The following IKBKG variants were observed in gnomAD, a reference collection of about 807,000 sequenced individuals.
IKBKG encodes the protein NF-kappa-B essential modulator.
IKBKG carries 2 observed loss-of-function variants against 13.7 expected under a neutral mutation model. The observed-to-expected ratio is 0.15, with a 90% CI of 0.06 to 0.46. The LOEUF is 0.46. Ranked by LOEUF, IKBKG falls within the 20% of genes least tolerant of loss-of-function variation. The probability of loss-of-function intolerance (pLI) is 0.98; values close to 1 mark genes in which losing one functional copy is unlikely to be tolerated. For synonymous variants in IKBKG, 22 were observed against 64.4 expected (o/e 0.34, Z 3.15); for missense variants, 53 against 150.3 (o/e 0.35, Z 3.39).
upstream of IKBKG, chrX:154,545,886 G>T: frequency 4.6e-6 from 3 of 645,837 alleles, no homozygotes; most frequent in Non-Finnish European, 7.4e-6. Flanking sequence ...ACACCAGGTA[G>T]AGCCGGGATG....
chrX:154,558,875 TAGG>T (rs1371189103), intron 4 of IKBKG, among the ~76,000 whole-genome samples: 2 of 94,580 alleles, frequency 2.1e-5, no homozygotes, highest in Non-Finnish European at 4.2e-5. Context: ...ATTATTTCCT[TAGG>T]AGGCATTCTG....
chrX:154,546,840 C>T, upstream of IKBKG: 1 of 1,141,126 alleles, frequency 8.8e-7, no homozygotes, highest in Non-Finnish European at 1.2e-6. Context: ...AGTGTACGAC[C>T]GTTTCCGGGG....
upstream of IKBKG, chrX:154,546,858 C>T (rs1557233582): frequency 2.7e-6 from 3 of 1,114,449 alleles, no homozygotes; most frequent in Admixed American, 2.9e-5. Context: ...GGGGCTGAGC[C>T]CCGCCGGCCC....
upstream of IKBKG, chrX:154,546,283 C>T (rs1205121853): frequency 1.0e-6 from 1 of 977,749 alleles, no homozygotes; most frequent in East Asian, 3.1e-5. Context: ...GCCCAAATCA[C>T]TCCTTGTGAA....
chrX:154,550,908 G>C (rs1163942416), intron 1 of IKBKG, among the ~76,000 whole-genome samples: 1 of 109,912 alleles, frequency 9.1e-6, no homozygotes, highest in African/African-American at 3.3e-5. Flanking sequence ...TGCCTCCCGG[G>C]TTCACGCCAT....
At chrX:154,555,988 G>T (rs1247847152) in intron 2 of IKBKG, among the ~76,000 whole-genome samples, 177 bp from the exon 3 acceptor site, 1 of 113,874 alleles carries the variant, frequency 8.8e-6, no homozygotes, top group Non-Finnish European at 1.9e-5. Context: ...AAAAGGGAGT[G>T]TTGAGACGCC....
At chrX:154,552,811 C>A (rs782111993) in intron 2 of IKBKG, among the ~76,000 whole-genome samples, 1 of 112,461 alleles carries the variant, frequency 8.9e-6, no homozygotes, top group African/African-American at 3.2e-5. Context: ...CATCCGGGCG[C>A]CCCTCACCCT....
chrX:154,547,221 G>A, upstream of IKBKG: 1 of 542,313 alleles, frequency 1.8e-6, no homozygotes, highest in Non-Finnish European at 2.2e-6. Context: ...CACTTCCGCC[G>A]GCAGCGTGGC....
chrX:154,553,032 C>T (rs1227103739), intron 2 of IKBKG, among the ~76,000 whole-genome samples: 5 of 112,692 alleles, frequency 4.4e-5, no homozygotes, highest in Non-Finnish European at 9.4e-5. Context: ...CCTTCTAAGC[C>T]TCGGGTCCCA....
upstream of IKBKG, chrX:154,546,784 G>C (rs782344302): frequency 4.3e-6 from 5 of 1,158,445 alleles, no homozygotes; most frequent in Non-Finnish European, 4.6e-6. Flanking sequence ...CGCCCGGCCG[G>C]TTACCTGCGC....
intron 1 of IKBKG, among the ~76,000 whole-genome samples, chrX:154,550,234 TTGTGTG>T (rs371906365): frequency 1.7e-4 from 17 of 99,541 alleles, no homozygotes; most frequent in African/African-American, 2.6e-4. Flanking sequence ...AGATGTGCTC[TTGTGTG>T]TGTGTGTGTG....
chrX:154,543,946 C>G (rs1232800759), upstream of IKBKG, among the ~76,000 whole-genome samples: 1 of 108,458 alleles, frequency 9.2e-6, no homozygotes, highest in African/African-American at 3.4e-5. Context: ...CTGCTCACTG[C>G]AAGCTCCGCC....
intron 1 of IKBKG, chrX:154,548,040 C>T (rs1289535645): frequency 9.3e-6 from 7 of 753,741 alleles, no homozygotes; most frequent in Non-Finnish European, 1.1e-5. Flanking sequence ...TGCGCTCTAT[C>T]GAGGTCGTTA....
At chrX:154,546,957 C>A, upstream of IKBKG, 2 of 363,585 alleles carry the variant, frequency 5.5e-6, no homozygotes, top group Non-Finnish European at 8.1e-6. Context: ...GCCACCACCC[C>A]TCGTGCGGGC....
At chrX:154,546,947 G>A, upstream of IKBKG, 4 of 413,785 alleles carry the variant, frequency 9.7e-6, no homozygotes, top group Non-Finnish European at 1.4e-5. Context: ...CGGGGCCTCG[G>A]CCACCACCCC....
At chrX:154,548,806 T>A (rs1426266254) in intron 1 of IKBKG, among the ~76,000 whole-genome samples, 1 of 110,816 alleles carries the variant, frequency 9.0e-6, no homozygotes, top group East Asian at 2.8e-4. Context: ...CCTCAGGTGA[T>A]CTGCCTGCCT....
At chrX:154,544,307 A>G (rs1557232658), upstream of IKBKG, among the ~76,000 whole-genome samples, 3 of 110,508 alleles carry the variant, frequency 2.7e-5, no homozygotes, top group Non-Finnish European at 5.7e-5. Context: ...GACTACAGGC[A>G]CGCACCACCA....
At chrX:154,553,690 C>T in intron 2 of IKBKG, among the ~76,000 whole-genome samples, 1 of 112,763 alleles carries the variant, frequency 8.9e-6, no homozygotes. Flanking sequence ...GAGTCCCTGG[C>T]CTGTACCTGC....
chrX:154,546,727 C>T, upstream of IKBKG: 4 of 959,938 alleles, frequency 4.2e-6, no homozygotes, highest in Non-Finnish European at 4.3e-6. Flanking sequence ...ATTTTACCGC[C>T]GCGCGGCGCA....
Sources: allele counts gnomAD v4.1 joint callset (sites outside exome capture counted in the v4.1 genomes callset), GRCh38; gene constraint gnomAD v4.1.1; transcripts MANE v1.5; gene names NCBI Gene and HGNC (gene_info 2026-07-23, HGNC 2026-07-21).